The following ACSS3 variants were observed in gnomAD, a reference collection of about 807,000 sequenced individuals.
The protein encoded by ACSS3 is acyl-CoA synthetase short chain family member 3, also known as acyl-CoA synthetase short-chain family member 3, mitochondrial.
A neutral mutation model predicts 84.2 loss-of-function variants in ACSS3; 64 were observed. That is an observed-to-expected ratio of 0.76 (90% CI 0.62 to 0.94). The LOEUF (loss-of-function observed/expected upper bound fraction) is 0.94, where lower values mean the gene tolerates loss of function less well. Ranked by LOEUF, ACSS3 falls within the 40% of genes least tolerant of loss-of-function variation. ACSS3 has a pLI of 0.00. For synonymous variants in ACSS3, 317 were observed against 310.1 expected (o/e 1.02, Z -0.23); for missense variants, 815 against 867.6 (o/e 0.94, Z 0.76).
intron 4 of ACSS3, among the ~76,000 whole-genome samples, chr12:81,140,034 T>G (rs936443319): frequency 2.0e-5 from 3 of 152,196 alleles, no homozygotes; most frequent in Admixed American, 1.3e-4. Flanking sequence ...AAAGTAACTT[T>G]CTCAGTTTGA....
At chr12:81,100,081 G>A (rs894309622) in intron 1 of ACSS3, among the ~76,000 whole-genome samples, 1 of 152,126 alleles carries the variant, frequency 6.6e-6, no homozygotes, top group Non-Finnish European at 1.5e-5. Flanking sequence ...GAAGACTCAG[G>A]GTAGGCTAAG....
At chr12:81,216,839 C>G in intron 9 of ACSS3, 62 bp from the exon 10 acceptor site, 1 of 1,435,512 alleles carries the variant, frequency 7.0e-7, no homozygotes, top group South Asian at 1.1e-5. Flanking sequence ...TGTGCATGTA[C>G]TCAAGAAACA....
At position 81,259,726 on chromosome 12, in the gene ACSS3, C is replaced by G; in HGVS notation, c.*4804C>G. ...CCAGACTGGGAAATCTCATTCTACT[C>G]CTCTGTGGTGTACCTCCACGCAGCC... On this transcript the variant is annotated 3_prime_UTR_variant, in exon 16 of 16. Coordinates refer to ENST00000548058, the MANE Select transcript of ACSS3 (RefSeq NM_024560.4). The G allele has an allele frequency of 7.1e-7, 1 of 1,414,408 alleles. No homozygotes were observed. The highest frequency in any genetic ancestry group is 9.6e-7 in the Non-Finnish European group (1 of 1,038,418). The allele number at this position is 1,414,408 out of a possible 1,614,324, so 87.6% of individuals were successfully genotyped here.
At chr12:81,165,403 C>G (rs1421948243) in intron 7 of ACSS3, among the ~76,000 whole-genome samples, 1 of 151,972 alleles carries the variant, frequency 6.6e-6, no homozygotes, top group Non-Finnish European at 1.5e-5. Context: ...CCCAGCAGTT[C>G]GGGAGGCCAA....
At chr12:81,115,080 T>C (rs1319819313) in intron 2 of ACSS3, among the ~76,000 whole-genome samples, 1 of 152,184 alleles carries the variant, frequency 6.6e-6, no homozygotes, top group Non-Finnish European at 1.5e-5. Context: ...GGTTGTAGTT[T>C]GGTTATTTGG....
Position 81,260,629 on chromosome 12 carries a change from C to G in ACSS3, c.*5707C>G, listed in dbSNP as rs1316160136. 6.6e-6 allele frequency: 1 copy of G among 152,088 alleles called. No homozygotes were observed. The highest frequency in any genetic ancestry group is 1.5e-5 in the Non-Finnish European group (1 of 68,014). 9.4% of individuals were successfully genotyped at this position (152,088 alleles called of 1,614,324 possible). ...TGAAATTAAATCTCTTATCGGGATG[C>G]TTTTCATTTTATCAGCTTCAAATAG... On this transcript the variant is annotated 3_prime_UTR_variant, in exon 16 of 16. Transcript: ENST00000548058.
intron 5 of ACSS3, among the ~76,000 whole-genome samples, chr12:81,145,941 G>T (rs902516606): frequency 6.6e-6 from 1 of 152,190 alleles, no homozygotes; most frequent in African/African-American, 2.4e-5. Context: ...GCAAAAGAAG[G>T]TAGTTATCTC....
At chr12:81,239,614 T>C (rs2033729180) in intron 13 of ACSS3, among the ~76,000 whole-genome samples, 1 of 151,762 alleles carries the variant, frequency 6.6e-6, no homozygotes, top group South Asian at 2.1e-4. Flanking sequence ...GGGAACTCTC[T>C]TTATAAAACC....
intron 1 of ACSS3, chr12:81,104,664 A>G (rs1593048099): frequency 6.6e-6 from 1 of 152,006 alleles, no homozygotes; most frequent in East Asian, 1.9e-4. Flanking sequence ...GAAAGGTTGT[A>G]AAAACCTCTT....
At chr12:81,154,122 T>C (rs1274328128) in intron 7 of ACSS3, among the ~76,000 whole-genome samples, 3 of 152,212 alleles carry the variant, frequency 2.0e-5, no homozygotes, top group Admixed American at 6.5e-5. Flanking sequence ...CAATATAATG[T>C]TTTTAATTTA....
chr12:81,235,489 A>G (rs555850754), intron 13 of ACSS3, among the ~76,000 whole-genome samples: 1 of 151,320 alleles, frequency 6.6e-6, no homozygotes, highest in Non-Finnish European at 1.5e-5. Flanking sequence ...TTCCACATAC[A>G]TATTAGCATA....
At chr12:81,142,994 T>TA in intron 4 of ACSS3, 113 bp from the exon 5 acceptor site, 7 of 1,004,158 alleles carry the variant, frequency 7.0e-6, no homozygotes, top group Non-Finnish European at 9.4e-6. Context: ...TTCAGTGCCA[T>TA]ATAGGCCTAG....
At chr12:81,251,339 A>G (rs2034144427) in intron 13 of ACSS3, among the ~76,000 whole-genome samples, 2 of 152,172 alleles carry the variant, frequency 1.3e-5, no homozygotes, top group Non-Finnish European at 2.9e-5. Context: ...AGGCATGTAC[A>G]GAGTAGACCA....
intron 9 of ACSS3, among the ~76,000 whole-genome samples, chr12:81,203,328 C>T (rs2032194149): frequency 6.6e-6 from 1 of 152,134 alleles, no homozygotes; most frequent in South Asian, 2.1e-4. Context: ...TCCATTCAGA[C>T]TCACATATTA....
rs538641735 is a variant in ACSS3 at position 81,243,801 on chromosome 12, C to T, written c.1720-9506C>T. On this transcript the variant is annotated intron_variant, in intron 13 of 15. Coordinates refer to ENST00000548058, the MANE Select transcript of ACSS3 (RefSeq NM_024560.4). ...CACTGCTGTCATTCACTTGCTAGCA[C>T]ATTAGCATATACACATGCGCATATA... Among the ~76,000 whole-genome samples, 276 of 152,288 alleles carry T rather than the reference C, an allele frequency of 1.8e-3. 1 individual carries two copies. Among genetic ancestry groups the T allele is most frequent in the African/African-American group, 6.2e-3 (256 of 41,582 alleles).
At chr12:81,134,151 A>C (rs1209834417) in intron 2 of ACSS3, among the ~76,000 whole-genome samples, 1 of 152,060 alleles carries the variant, frequency 6.6e-6, no homozygotes, top group Non-Finnish European at 1.5e-5. Flanking sequence ...GTAAAAAAAA[A>C]CTATAAAGGC....
At chr12:81,154,245 G>A (rs1886757374) in intron 7 of ACSS3, among the ~76,000 whole-genome samples, 1 of 152,072 alleles carries the variant, frequency 6.6e-6, no homozygotes, top group Admixed American at 6.5e-5. Flanking sequence ...ACATATTTTT[G>A]GTTATAAGCA....
intron 7 of ACSS3, 121 bp from the exon 8 acceptor site, chr12:81,174,667 A>G: frequency 9.4e-7 from 1 of 1,059,550 alleles, no homozygotes; most frequent in Non-Finnish European, 1.3e-6. Flanking sequence ...AATATTTTAA[A>G]ACTAAGATTT....
intron 1 of ACSS3, among the ~76,000 whole-genome samples, chr12:81,080,874 T>C (rs1447627363): frequency 6.6e-6 from 1 of 152,108 alleles, no homozygotes; most frequent in Non-Finnish European, 1.5e-5. Context: ...CTTTGGGAGG[T>C]GATAAGTGGA....
Sources: gnomAD v4.1 joint callset for allele counts (sites outside exome capture counted in the v4.1 genomes callset) on GRCh38, gnomAD v4.1.1 for gene constraint, MANE v1.5 for transcripts, NCBI Gene and HGNC (gene_info 2026-07-23, HGNC 2026-07-21) for gene names.